The following STPG2 variants were observed in gnomAD, a reference collection of about 807,000 sequenced individuals.
STPG2 encodes the protein sperm-tail PG-rich repeat-containing protein 2.
A neutral mutation model predicts 54.2 loss-of-function variants in STPG2; 56 were observed. That is an observed-to-expected ratio of 1.03 (90% CI 0.83 to 1.29). The LOEUF is 1.29. Ranked by LOEUF, STPG2 falls within the 50% of genes most tolerant of loss-of-function variation. The pLI is 0.00. For synonymous variants in STPG2, 200 were observed against 181.8 expected, an observed-to-expected ratio of 1.10 and a Z score of -0.81; for missense variants, 596 against 544.9, an observed-to-expected ratio of 1.09 and a Z score of -0.93.
At chr4:97,793,546 ATTACTAAAATCTTT>A (rs1428298916) in intron 9 of STPG2, among the ~76,000 whole-genome samples, 1 of 152,084 alleles carries the variant, frequency 6.6e-6, no homozygotes, top group South Asian at 2.1e-4. Flanking sequence ...AAGAGTGCTT[ATTACTAAAATCTTT>A]TACCAAAGGG....
At chr4:97,997,144 A>G (rs1433977064) in intron 5 of STPG2, among the ~76,000 whole-genome samples, 1 of 152,218 alleles carries the variant, frequency 6.6e-6, no homozygotes, top group East Asian at 1.9e-4. Context: ...CATGCATATG[A>G]TCACTGCAGC....
At chr4:97,629,664 CA>C (rs1721195756) in intron 10 of STPG2, among the ~76,000 whole-genome samples, 1 of 151,924 alleles carries the variant, frequency 6.6e-6, no homozygotes. Context: ...ATGTCTGAAA[CA>C]GTAAAAGTTA....
At chr4:98,084,668 G>T (rs998831708) in intron 5 of STPG2, among the ~76,000 whole-genome samples, 19 of 152,186 alleles carry the variant, frequency 1.2e-4, no homozygotes, top group Admixed American at 1.2e-3. Flanking sequence ...GGGGTGCCTT[G>T]GTATGTCACT....
chr4:98,023,784 T>G lies in STPG2; in HGVS notation c.613-42466A>C, dbSNP rs538626847. Among the ~76,000 whole-genome samples the G allele has an allele frequency of 5.3e-5, 8 of 152,302 alleles. No homozygotes were observed. The South Asian group carries it at 1.7e-3, about 32-fold the overall frequency. The stretch of plus-strand genomic sequence containing the variant: ...GCCACCTTGCAGTTTGATCTCAGAC[T>G]GCTGTGCTAGCAATCAGTGAGACTC... On this transcript the variant is annotated intron_variant, in intron 5 of 10. Coordinates refer to ENST00000295268, the MANE Select transcript of STPG2 (RefSeq NM_174952.3).
intron 8 of STPG2, among the ~76,000 whole-genome samples, chr4:97,864,338 C>T (rs1198903352): frequency 6.6e-6 from 1 of 152,028 alleles, no homozygotes; most frequent in African/African-American, 2.4e-5. Flanking sequence ...CTCCCATTCA[C>T]AATTACTTCA....
At chr4:98,010,521 A>C (rs1735712706) in intron 5 of STPG2, among the ~76,000 whole-genome samples, 1 of 152,132 alleles carries the variant, frequency 6.6e-6, no homozygotes, top group Admixed American at 6.6e-5. Flanking sequence ...CCTTAAACCT[A>C]AAGTGTGCCT....
chr4:97,930,423 T>C (rs1469301846), intron 8 of STPG2, among the ~76,000 whole-genome samples: 1 of 152,218 alleles, frequency 6.6e-6, no homozygotes, highest in Non-Finnish European at 1.5e-5. Context: ...GTGTCATTTA[T>C]TGAATTGGGA....
chr4:97,746,298 C>A (rs1725419493), intron 9 of STPG2, among the ~76,000 whole-genome samples: 1 of 151,124 alleles, frequency 6.6e-6, no homozygotes, highest in African/African-American at 2.4e-5. Flanking sequence ...CTATATATAA[C>A]TTTGCTGGAA....
chr4:97,876,055 A>G (rs939372344), intron 8 of STPG2, among the ~76,000 whole-genome samples: 2 of 152,064 alleles, frequency 1.3e-5, no homozygotes, highest in African/African-American at 2.4e-5. Flanking sequence ...CAGTTCGTCT[A>G]CTGTATGAAC....
At chr4:97,524,718 T>C (rs1471604658) in intron 4 of STPG2, among the ~76,000 whole-genome samples, 10 of 152,100 alleles carry the variant, frequency 6.6e-5, no homozygotes, top group Non-Finnish European at 1.3e-4. Context: ...CTTCCTAGTG[T>C]GGGTCATCTG....
At chr4:97,516,281 G>A (rs1055367843) in intron 4 of STPG2, among the ~76,000 whole-genome samples, 2 of 152,046 alleles carry the variant, frequency 1.3e-5, no homozygotes, top group South Asian at 2.1e-4. Flanking sequence ...CTTTGGCCAT[G>A]AACTAAACCA....
At chr4:97,896,065 TCTC>T (rs1730942429) in intron 8 of STPG2, among the ~76,000 whole-genome samples, 1 of 151,800 alleles carries the variant, frequency 6.6e-6, no homozygotes, top group Non-Finnish European at 1.5e-5. Flanking sequence ...CCAAGTGTCA[TCTC>T]CTGCAGGAAG....
At chr4:98,047,083 T>C (rs1737152497) in intron 5 of STPG2, among the ~76,000 whole-genome samples, 1 of 152,214 alleles carries the variant, frequency 6.6e-6, no homozygotes, top group South Asian at 2.1e-4. Flanking sequence ...CTTCTTGCTC[T>C]GCACTAGCCA....
At chr4:97,665,213 A>AG (rs1722488563) in intron 10 of STPG2, among the ~76,000 whole-genome samples, 1 of 152,198 alleles carries the variant, frequency 6.6e-6, no homozygotes, top group Admixed American at 6.5e-5. Context: ...GGCAAGCAAC[A>AG]GGAGTATTTC....
intron 5 of STPG2, chr4:98,025,363 G>T (rs1736380587): frequency 6.3e-6 from 2 of 319,858 alleles, no homozygotes; most frequent in Non-Finnish European, 1.2e-5. Context: ...CCCTAGTGCT[G>T]CTGGGCCTGC....
chr4:97,452,480 TTGCCCATGGC>T (rs907293681), intron 4 of STPG2, among the ~76,000 whole-genome samples: 4 of 152,128 alleles, frequency 2.6e-5, no homozygotes, highest in Non-Finnish European at 4.4e-5. Context: ...TCTTCTGGGC[TTGCCCATGGC>T]TGCCCATGGA....
chr4:97,504,986 G>A lies in STPG2; in HGVS notation c.462+207713C>T, dbSNP rs191847135. On this transcript the variant is annotated intron_variant, in intron 4 of 4. Transcript: ENST00000522676. Reference sequence around the variant, plus strand: ...CCCAAATTGAAAGAACCAAAAAGTAGAAATCTGAAGACCAGGCACAAAAGG... The same window carrying A: ...CCCAAATTGAAAGAACCAAAAAGTAAAAATCTGAAGACCAGGCACAAAAGG... Among the ~76,000 whole-genome samples, 3 of 151,720 alleles carry A rather than the reference G, an allele frequency of 2.0e-5. No homozygotes were observed. The East Asian group carries it at 5.8e-4, about 30-fold the overall frequency.
intron 10 of STPG2, among the ~76,000 whole-genome samples, chr4:97,648,089 G>A (rs186665097): frequency 1.5e-4 from 23 of 152,248 alleles, no homozygotes; most frequent in South Asian, 6.2e-4. Context: ...CCCTTTAGTT[G>A]CTGGCGTGGT....
intron 8 of STPG2, among the ~76,000 whole-genome samples, chr4:97,871,538 A>C (rs1189801953): frequency 6.6e-6 from 1 of 151,242 alleles, no homozygotes; most frequent in Non-Finnish European, 1.5e-5. Flanking sequence ...GATTTAAATA[A>C]ATTTGAAAAC....
Sources: allele counts gnomAD v4.1 joint callset (sites outside exome capture counted in the v4.1 genomes callset), GRCh38; gene constraint gnomAD v4.1.1; transcripts MANE v1.5; gene names NCBI Gene and HGNC (gene_info 2026-07-23, HGNC 2026-07-21).